The following DCP1A variants were observed in gnomAD, a reference collection of about 807,000 sequenced individuals.
DCP1A encodes the protein mRNA-decapping enzyme 1A.
Under a neutral mutation model 58.0 loss-of-function variants are expected in DCP1A, and 20 were observed. The observed-to-expected ratio is 0.34, with a 90% confidence interval of 0.24 to 0.50. The LOEUF (loss-of-function observed/expected upper bound fraction) is 0.50. DCP1A is among the 20% of genes least tolerant of loss of function. The pLI is 0.98. For synonymous variants in DCP1A, 285 were observed against 275.1 expected, an observed-to-expected ratio of 1.04 and a Z score of -0.36; for missense variants, 613 against 712.2, an observed-to-expected ratio of 0.86 and a Z score of 1.59.
intron 5 of DCP1A, among the ~76,000 whole-genome samples, chr3:53,305,570 G>A (rs1281637440): frequency 4.6e-5 from 7 of 151,884 alleles, no homozygotes; most frequent in African/African-American, 1.2e-4. Context: ...GGCTGGTCTC[G>A]AACTCCTGAC....
At chr3:53,323,238 C>T (rs1009059699) in intron 3 of DCP1A, among the ~76,000 whole-genome samples, 3 of 152,196 alleles carry the variant, frequency 2.0e-5, no homozygotes, top group Non-Finnish European at 4.4e-5. Context: ...TGTTTTACAT[C>T]ATGGTAAGTC....
chr3:53,311,214 T>C (rs1553688603), intron 5 of DCP1A, among the ~76,000 whole-genome samples: 3 of 152,214 alleles, frequency 2.0e-5, no homozygotes, highest in Admixed American at 6.5e-5. Context: ...TTTTGGACAG[T>C]GCTTTTTCAC....
intron 6 of DCP1A, among the ~76,000 whole-genome samples, chr3:53,298,325 C>T (rs1553687009): frequency 6.6e-6 from 1 of 152,172 alleles, no homozygotes; most frequent in East Asian, 1.9e-4. Context: ...TCTATGCTGC[C>T]TCCCTATAAC....
rs542013518 is a variant in DCP1A, at chr3:53,324,418, TAAA to T, written c.305-4948_305-4946del. 3.3e-3 allele frequency among the ~76,000 whole-genome samples: 500 copies of T among 152,324 alleles called. 5 individuals are homozygous for T. The highest frequency in any genetic ancestry group is 0.012 in the African/African-American group (481 of 41,574). On this transcript the variant is annotated intron_variant, in intron 3 of 9. Transcript: ENST00000610213. ...AAGACAGACAAGTTCACCAGATAGC[TAAA>T]ACTGCAGAGGACCTCCCCTTTAAAC... is the stretch of plus-strand genomic sequence containing the variant.
chr3:53,334,999 A>T (rs1339168159), intron 3 of DCP1A, among the ~76,000 whole-genome samples: 3 of 151,174 alleles, frequency 2.0e-5, no homozygotes, highest in Non-Finnish European at 4.4e-5. Context: ...CTGTCAGTCT[A>T]ACTGGTGTTC....
chr3:53,332,852 C>T (rs62257005), intron 3 of DCP1A, among the ~76,000 whole-genome samples: 23,742 of 149,340 alleles, frequency 0.16, 1,931 homozygotes, highest in Non-Finnish European at 0.18. Flanking sequence ...AGCAAGACTC[C>T]GTTTCAAAAA....
At position 53,284,553 on chromosome 3, in the gene DCP1A, T is replaced by C. The variant is rs1706555946; in HGVS notation, c.*3027A>G. 1 of 140,418 alleles carries C rather than the reference T, an allele frequency of 7.1e-6. No homozygotes were observed. Among genetic ancestry groups the C allele is most frequent in the South Asian group, 2.6e-4 (1 of 3,818 alleles). The allele number at this position is 140,418 out of a possible 1,614,324, so 8.7% of individuals were successfully genotyped here. The stretch of plus-strand genomic sequence containing the variant: ...TTTTTTTTTTTTTTTTTTTTTTTTT[T>C]TTTGAGGTGGAGTCTCACTGTCGCC... On this transcript the variant is annotated 3_prime_UTR_variant, in exon 10 of 10. Transcript: ENST00000610213.
intron 3 of DCP1A, 137 bp downstream of exon 3, chr3:53,342,007 C>T: frequency 1.3e-6 from 1 of 769,108 alleles, no homozygotes; most frequent in Non-Finnish European, 2.0e-6. Flanking sequence ...TTTGATCTTT[C>T]CAACAGACTC....
intron 4 of DCP1A, among the ~76,000 whole-genome samples, chr3:53,317,079 A>G (rs1707835335): frequency 6.6e-6 from 1 of 152,224 alleles, no homozygotes; most frequent in South Asian, 2.1e-4. Context: ...AAGTGTTTAT[A>G]TATTAATACA....
chr3:53,305,676 C>T (rs1488179295), intron 5 of DCP1A, among the ~76,000 whole-genome samples: 1 of 152,022 alleles, frequency 6.6e-6, no homozygotes, highest in Non-Finnish European at 1.5e-5. Flanking sequence ...AGGGTAAATA[C>T]CTAGGAGTGG....
At chr3:53,294,144 G>A (rs1050502169) in intron 6 of DCP1A, among the ~76,000 whole-genome samples, 2 of 152,220 alleles carry the variant, frequency 1.3e-5, no homozygotes, top group Admixed American at 6.5e-5. Flanking sequence ...TCTGAGACAC[G>A]TTAGAGGATC....
rs1249477733 is a variant in DCP1A, at chr3:53,284,644, C to T, written c.*2936G>A. ...CTCTGCCTCCCGGGTTCAAGTGATTCTCCTGCCTCAGCCTCCTAAGTAGCT... is the reference window on the plus strand; with the variant it reads ...CTCTGCCTCCCGGGTTCAAGTGATTTTCCTGCCTCAGCCTCCTAAGTAGCT... On this transcript the variant is annotated 3_prime_UTR_variant, in exon 10 of 10. Coordinates refer to ENST00000610213, the MANE Select transcript of DCP1A (RefSeq NM_018403.7). 1 of 147,090 alleles carries T rather than the reference C, an allele frequency of 6.8e-6. No individual in the cohort carries two copies. The highest frequency in any genetic ancestry group is 1.5e-5 in the Non-Finnish European group (1 of 67,422). The allele number at this position is 147,090 out of a possible 1,614,324, so 9.1% of individuals were successfully genotyped here. A position where few individuals can be genotyped will look rare whatever the true frequency, so the allele number is the denominator to read the frequency against.
chr3:53,344,867 T>A, intron 2 of DCP1A, 35 bp downstream of exon 2: 1 of 1,485,862 alleles, frequency 6.7e-7, no homozygotes, highest in South Asian at 1.1e-5. Context: ...ACCACTAGAC[T>A]GTTAAAAACA....
At chr3:53,333,787 A>T (rs1553691603) in intron 3 of DCP1A, among the ~76,000 whole-genome samples, 1 of 152,110 alleles carries the variant, frequency 6.6e-6, no homozygotes, top group Non-Finnish European at 1.5e-5. Context: ...CTTCTAGGTC[A>T]CTTATTCCTT....
In DCP1A at chr3:53,303,867, C is replaced by G. The variant is rs139991058; in HGVS notation, c.624+310G>C. Among the ~76,000 whole-genome samples, 183 of 152,192 alleles carry G rather than the reference C, an allele frequency of 1.2e-3. 2 individuals carry two copies. Among genetic ancestry groups the G allele is most frequent in the African/African-American group, 4.2e-3 (176 of 41,540 alleles). ...ATCCTGGCTATGATTTGAGTGAGCTCGGACACTGCTGGAGGGTTTTAAGCA... is the reference window on the plus strand; with the variant it reads ...ATCCTGGCTATGATTTGAGTGAGCTGGGACACTGCTGGAGGGTTTTAAGCA... On this transcript the variant is annotated intron_variant, in intron 6 of 9. Coordinates refer to ENST00000610213, the MANE Select transcript of DCP1A (RefSeq NM_018403.7).
intron 6 of DCP1A, among the ~76,000 whole-genome samples, chr3:53,298,897 A>G (rs913551182): frequency 1.4e-4 from 21 of 152,250 alleles, no homozygotes; most frequent in African/African-American, 4.8e-4. Context: ...TAAATATACA[A>G]ATACCAGTGT....
intron 3 of DCP1A, among the ~76,000 whole-genome samples, chr3:53,335,808 T>TA (rs1247567590): frequency 6.6e-6 from 1 of 152,194 alleles, no homozygotes; most frequent in Non-Finnish European, 1.5e-5. Context: ...TCCTTTTTTT[T>TA]AATAGCATTT....
intron 3 of DCP1A, among the ~76,000 whole-genome samples, chr3:53,328,688 C>T (rs1018952436): frequency 2.0e-5 from 3 of 152,230 alleles, no homozygotes; most frequent in Admixed American, 6.5e-5. Context: ...TACCAGAATA[C>T]TAAGCAGCGC....
At chr3:53,290,616 T>A in intron 8 of DCP1A, 175 bp downstream of exon 8, 1 of 672,922 alleles carries the variant, frequency 1.5e-6, no homozygotes, top group Non-Finnish European at 2.6e-6. Context: ...AAAAATAATG[T>A]GTTCTTCAGA....
Sources: gnomAD v4.1 joint callset for allele counts (sites outside exome capture counted in the v4.1 genomes callset) on GRCh38, gnomAD v4.1.1 for gene constraint, MANE v1.5 for transcripts, NCBI Gene and HGNC (gene_info 2026-07-23, HGNC 2026-07-21) for gene names.